ASB5: variants seen among roughly 807,000 people sequenced by gnomAD.
The protein encoded by ASB5 is ankyrin repeat and SOCS box containing 5.
A neutral mutation model predicts 42.1 loss-of-function variants in ASB5; 45 were observed. That is an observed-to-expected ratio of 1.07 (90% CI 0.84 to 1.37). The LOEUF (loss-of-function observed/expected upper bound fraction) is 1.37, where lower values mean the gene tolerates loss of function less well. ASB5 is among the 40% of genes most tolerant of loss of function. The probability of loss-of-function intolerance (pLI) is 0.00; values close to 1 mark genes in which losing one functional copy is unlikely to be tolerated. For synonymous variants in ASB5, 147 were observed against 150.6 expected, an observed-to-expected ratio of 0.98 and a Z score of 0.18; for missense variants, 402 against 399.8, an observed-to-expected ratio of 1.01 and a Z score of -0.05.
intron 1 of ASB5, among the ~76,000 whole-genome samples, chr4:176,241,088 T>C (rs1239943676): frequency 6.6e-6 from 1 of 152,200 alleles, no homozygotes; most frequent in Non-Finnish European, 1.5e-5. Flanking sequence ...TATAATTTCA[T>C]CCATAAATAT....
Position 176,215,523 on chromosome 4 carries a change from A to G in ASB5, c.*77T>C. On this transcript the variant is annotated 3_prime_UTR_variant, in exon 7 of 7. Coordinates refer to ENST00000296525, the MANE Select transcript of ASB5 (RefSeq NM_080874.4). ...CTCACTTTTATCCTATCTTTAGCATATTTTTATATGAACTATTCCTTAAGC... is the reference window on the plus strand; with the variant it reads ...CTCACTTTTATCCTATCTTTAGCATGTTTTTATATGAACTATTCCTTAAGC... 2 of 1,450,634 alleles carry G rather than the reference A, an allele frequency of 1.4e-6. No individual in the cohort carries two copies. Among genetic ancestry groups the G allele is most frequent in the East Asian group, 4.8e-5 (2 of 42,046 alleles). The allele number at this position is 1,450,634 out of a possible 1,614,324, so 89.9% of individuals were successfully genotyped here. A position where few individuals can be genotyped will look rare whatever the true frequency, so the allele number is the denominator to read the frequency against.
intron 4 of ASB5, 51 bp downstream of exon 4, chr4:176,221,399 G>A: frequency 1.2e-6 from 2 of 1,602,240 alleles, no homozygotes; most frequent in East Asian, 2.2e-5. Context: ...AGCACTGCAG[G>A]TTGCTAAAGA....
chr4:176,273,310 T>C (rs1727369290), upstream of ASB5, among the ~76,000 whole-genome samples: 1 of 152,084 alleles, frequency 6.6e-6, no homozygotes, highest in South Asian at 2.1e-4. Context: ...CTAAGAAAAG[T>C]CATATACCCA....
At chr4:176,248,947 T>C (rs1753964738) in intron 1 of ASB5, among the ~76,000 whole-genome samples, 1 of 152,142 alleles carries the variant, frequency 6.6e-6, no homozygotes, top group African/African-American at 2.4e-5. Context: ...ATGGTTGTTA[T>C]ACAGGTTTAC....
chr4:176,276,971 C>T (rs963339640), intron 1 of ASB5, among the ~76,000 whole-genome samples: 1 of 152,088 alleles, frequency 6.6e-6, no homozygotes, highest in Non-Finnish European at 1.5e-5. Context: ...AGGGCAAGGT[C>T]TTCAGAAGAA....
At chr4:176,233,600 T>G (rs2126957081) in intron 1 of ASB5, among the ~76,000 whole-genome samples, 1 of 152,252 alleles carries the variant, frequency 6.6e-6, no homozygotes, top group Middle Eastern at 3.4e-3. Context: ...ATATATTGAG[T>G]GTTTCGTGTG....
intron 2 of ASB5, among the ~76,000 whole-genome samples, chr4:176,222,975 G>T (rs752361238): frequency 3.3e-5 from 5 of 151,982 alleles, no homozygotes; most frequent in Non-Finnish European, 1.5e-5. Flanking sequence ...ACACGGGGTT[G>T]CACTGTGTTA....
intron 6 of ASB5, among the ~76,000 whole-genome samples, chr4:176,216,106 G>GTA (rs1752962243): frequency 6.6e-6 from 1 of 152,002 alleles, no homozygotes. Context: ...AAATATTATA[G>GTA]TCCCTGGACT....
chr4:176,273,456 G>A (rs551879671), upstream of ASB5, among the ~76,000 whole-genome samples: 104 of 151,446 alleles, frequency 6.9e-4, 1 homozygote, highest in Middle Eastern at 0.014. Flanking sequence ...GTGAAATCTC[G>A]TGAGAAAAAA....
At chr4:176,229,979 A>G (rs1753485966) in intron 1 of ASB5, among the ~76,000 whole-genome samples, 1 of 152,122 alleles carries the variant, frequency 6.6e-6, no homozygotes, top group Non-Finnish European at 1.5e-5. Flanking sequence ...GAGAAATGGG[A>G]TCGGGTGTAG....
At chr4:176,220,152 A>G (rs1753162676) in intron 5 of ASB5, among the ~76,000 whole-genome samples, 1 of 152,228 alleles carries the variant, frequency 6.6e-6, no homozygotes, top group African/African-American at 2.4e-5. Context: ...CAAGCTTGCT[A>G]GAAAGCATAA....
chr4:176,253,695 G>T (rs907443824), intron 1 of ASB5, among the ~76,000 whole-genome samples: 5 of 152,098 alleles, frequency 3.3e-5, no homozygotes. Context: ...AAAGTTTCAG[G>T]ATACAAAATT....
intron 4 of ASB5, 48 bp downstream of exon 4, chr4:176,221,402 G>A (rs372759383): frequency 3.0e-5 from 48 of 1,602,522 alleles, no homozygotes; most frequent in Admixed American, 2.0e-4. Context: ...ACTGCAGGTT[G>A]CTAAAGAAAC....
At chr4:176,265,265 C>G (rs1754334983) in intron 1 of ASB5, among the ~76,000 whole-genome samples, 1 of 152,156 alleles carries the variant, frequency 6.6e-6, no homozygotes, top group South Asian at 2.1e-4. Context: ...CATGTGCACC[C>G]ATAAATCCAT....
Position 176,225,283 on chromosome 4 carries a change from A to G in ASB5, c.255T>C (p.Ala85=). 6.2e-7 allele frequency: 1 copy of G among 1,613,874 alleles called. No individual in the cohort carries two copies. The highest frequency in any genetic ancestry group is 8.5e-7 in the Non-Finnish European group (1 of 1,179,740). Residue 85 remains alanine (A), a synonymous_variant, in exon 2 of 7, where the codon GCT becomes GCC. Coordinates refer to ENST00000296525, the MANE Select transcript of ASB5 (RefSeq NM_080874.4). ...TTACCTGTGATAATAATGTTCTCAGAGCAAGAAGGCGACCTTGACTTGCTG... is the reference window on the plus strand; with the variant it reads ...TTACCTGTGATAATAATGTTCTCAGGGCAAGAAGGCGACCTTGACTTGCTG... ...HEAASQGRLL[A]LRTLLSQGYN...
intron 1 of ASB5, among the ~76,000 whole-genome samples, chr4:176,277,030 C>T (rs1409726052): frequency 6.6e-6 from 1 of 152,114 alleles, no homozygotes; most frequent in Non-Finnish European, 1.5e-5. Context: ...GTTCCTTAAT[C>T]CCTCTGAGCC....
intron 1 of ASB5, among the ~76,000 whole-genome samples, chr4:176,239,109 G>T (rs1208543185): frequency 6.6e-6 from 1 of 152,158 alleles, no homozygotes; most frequent in Non-Finnish European, 1.5e-5. Flanking sequence ...CAGGCTATTT[G>T]TATGGGTGGC....
intron 1 of ASB5, among the ~76,000 whole-genome samples, chr4:176,226,616 C>T (rs942129243): frequency 1.3e-5 from 2 of 152,116 alleles, no homozygotes; most frequent in African/African-American, 4.8e-5. Context: ...CTGGAGAACC[C>T]TGACTAATAC....
At chr4:176,218,550 GAT>G (rs1381366371) in intron 5 of ASB5, among the ~76,000 whole-genome samples, 12 of 75,344 alleles carry the variant, frequency 1.6e-4, no homozygotes, top group South Asian at 3.4e-4. Context: ...ATATTTGTAT[GAT>G]ATATATATTT....
Sources: allele counts gnomAD v4.1 joint callset (sites outside exome capture counted in the v4.1 genomes callset), GRCh38; gene constraint gnomAD v4.1.1; transcripts MANE v1.5; gene names NCBI Gene and HGNC (gene_info 2026-07-23, HGNC 2026-07-21).